Variants in NWD2 observed in about 807,000 individuals in gnomAD.
NWD2 encodes the protein NACHT and WD repeat domain-containing protein 2.
A neutral mutation model predicts 132.7 loss-of-function variants in NWD2; 37 were observed. The observed-to-expected ratio is 0.28, with a 90% CI of 0.21 to 0.37. The LOEUF (loss-of-function observed/expected upper bound fraction) is 0.37, where lower values mean the gene tolerates loss of function less well. NWD2 is among the 10% of genes least tolerant of loss of function. The pLI is 1.00. For synonymous variants in NWD2, 705 were observed against 803.0 expected (o/e 0.88, Z 2.06); for missense variants, 1,592 against 2,122.4 (o/e 0.75, Z 4.91).
chr4:37,259,950 T>C (rs911733566), intron 1 of NWD2, among the ~76,000 whole-genome samples: 18 of 152,318 alleles, frequency 1.2e-4, no homozygotes, highest in African/African-American at 4.3e-4. Context: ...GCAGGAGCAA[T>C]GAGAAATCGA....
chr4:37,441,694 C>T (rs902209902), intron 6 of NWD2, among the ~76,000 whole-genome samples: 4 of 152,178 alleles, frequency 2.6e-5, no homozygotes, highest in Non-Finnish European at 5.9e-5. Flanking sequence ...ATCCAGGAGT[C>T]GGGTCCTCCA....
intron 3 of NWD2, among the ~76,000 whole-genome samples, chr4:37,396,332 T>C (rs1213008677): frequency 6.6e-6 from 1 of 152,242 alleles, no homozygotes; most frequent in Admixed American, 6.5e-5. Context: ...GTGGCCCTGT[T>C]GGATGAAGTC....
chr4:37,376,388 A>G (rs1720350863), intron 3 of NWD2, among the ~76,000 whole-genome samples: 1 of 152,224 alleles, frequency 6.6e-6, no homozygotes, highest in South Asian at 2.1e-4. Flanking sequence ...ACTTAAAAAT[A>G]TTTTTATATA....
intron 1 of NWD2, among the ~76,000 whole-genome samples, chr4:37,288,037 ATCC>A (rs774717340): frequency 3.9e-5 from 6 of 152,178 alleles, no homozygotes; most frequent in Non-Finnish European, 7.3e-5. Context: ...GGAAACCATC[ATCC>A]TCAGCAAACT....
At chr4:37,400,381 C>G (rs1720875967) in intron 3 of NWD2, among the ~76,000 whole-genome samples, 1 of 152,170 alleles carries the variant, frequency 6.6e-6, no homozygotes, top group African/African-American at 2.4e-5. Context: ...TGTTAACCAG[C>G]CTGCAGTGAA....
Position 37,391,974 on chromosome 4 carries a change from G to A in NWD2, c.357+35492G>A, listed in dbSNP as rs1036148828. Among the ~76,000 whole-genome samples the A allele has an allele frequency of 5.3e-5, 8 of 152,310 alleles. No homozygotes were observed. In the South Asian group the frequency reaches 6.2e-4, roughly 12 times the overall value. ...ATCCCAGCACTTTGGGAGGCGGAGG[G>A]TCGATTACTTGAGATCAGGAGTTTG... is the stretch of plus-strand genomic sequence containing the variant. On this transcript the variant is annotated intron_variant, in intron 3 of 6. Transcript: ENST00000309447.
intron 3 of NWD2, among the ~76,000 whole-genome samples, chr4:37,395,741 C>T (rs1030302467): frequency 4.6e-5 from 7 of 151,660 alleles, no homozygotes; most frequent in African/African-American, 1.2e-4. Flanking sequence ...ACTATTTCTC[C>T]GTTTTTCAGG....
intron 3 of NWD2, among the ~76,000 whole-genome samples, chr4:37,400,664 C>T (rs1384521454): frequency 1.3e-5 from 2 of 152,164 alleles, no homozygotes; most frequent in African/African-American, 4.8e-5. Context: ...GAGTATTTTG[C>T]TTTTACTGTG....
At chr4:37,438,673 A>G (rs1164202160) in intron 5 of NWD2, 128 bp from the exon 6 acceptor site, 2 of 616,984 alleles carry the variant, frequency 3.2e-6, no homozygotes, top group African/African-American at 3.7e-5. Context: ...AAATTATTCT[A>G]AAGATTACTT....
intron 3 of NWD2, among the ~76,000 whole-genome samples, chr4:37,412,381 A>G (rs1460101501): frequency 7.2e-5 from 11 of 152,336 alleles, no homozygotes; most frequent in Admixed American, 3.3e-4. Context: ...CCCATTCACA[A>G]TTGCTACTAA....
At chr4:37,428,681 C>T (rs1712072524) in intron 3 of NWD2, among the ~76,000 whole-genome samples, 1 of 152,214 alleles carries the variant, frequency 6.6e-6, no homozygotes, top group Non-Finnish European at 1.5e-5. Flanking sequence ...CTGGCGTAAG[C>T]AGACACTCTC....
chr4:37,252,006 G>A (rs1388181009), intron 1 of NWD2, among the ~76,000 whole-genome samples: 3 of 152,180 alleles, frequency 2.0e-5, no homozygotes, highest in Non-Finnish European at 4.4e-5. Context: ...TATGAACGGA[G>A]CATTAAAGGA....
chr4:37,280,523 C>T (rs58045198), intron 1 of NWD2, among the ~76,000 whole-genome samples: 24,524 of 152,044 alleles, frequency 0.16, 2,546 homozygotes, highest in South Asian at 0.32. Context: ...CGTGCAGACT[C>T]CTGCTGGGAA....
intron 2 of NWD2, among the ~76,000 whole-genome samples, chr4:37,351,612 C>G (rs991576903): frequency 6.6e-6 from 1 of 150,462 alleles, no homozygotes; most frequent in Admixed American, 6.6e-5. Flanking sequence ...TTTTGTTAAT[C>G]TTTTCAAAAA....
chr4:37,318,016 C>CTTTTTTT (rs1346676424), intron 1 of NWD2, among the ~76,000 whole-genome samples: 1 of 131,904 alleles, frequency 7.6e-6, no homozygotes, highest in East Asian at 2.1e-4. Context: ...TTTCTTTTTT[C>CTTTTTTT]TTTCTTTTTT....
chr4:37,245,212 C>G lies in NWD2; in HGVS notation c.145C>G (p.Pro49Ala). 6.5e-6 allele frequency: 10 copies of G among 1,538,304 alleles called. No homozygotes were observed. Among genetic ancestry groups the G allele is most frequent in the Non-Finnish European group, 8.7e-6 (10 of 1,144,492 alleles). ...RSVRVFISANPEDTGAERQAL... is the reference protein window; with the variant it reads ...RSVRVFISANAEDTGAERQAL... ...CGTCCGGGTCTTCATCAGCGCCAAC[C>G]CTGAAGGTACGTCCCTCGCTCGGGT... Residue 49 changes from proline (P) to alanine (A), a missense_variant, in exon 1 of 7, where the codon CCT (proline) becomes GCT (alanine). By Grantham distance (27) the Pro-to-Ala change is conservative. Coordinates refer to ENST00000309447, the MANE Select transcript of NWD2 (RefSeq NM_001144990.2).
chr4:37,416,771 A>C (rs900559525), intron 3 of NWD2, among the ~76,000 whole-genome samples: 3 of 152,252 alleles, frequency 2.0e-5, no homozygotes, highest in African/African-American at 4.8e-5. Context: ...ACTCAGCTAT[A>C]AAAAGGAATG....
chr4:37,418,381 G>A (rs1408323270), intron 3 of NWD2, among the ~76,000 whole-genome samples: 1 of 152,184 alleles, frequency 6.6e-6, no homozygotes, highest in South Asian at 2.1e-4. Context: ...TATAGATTAT[G>A]TAATGATGTA....
Position 37,445,926 on chromosome 4 carries a change from A to T in NWD2, c.3938A>T (p.Asp1313Val). 6.4e-7 allele frequency: 1 copy of T among 1,551,764 alleles called. No individual in the cohort carries two copies. The highest frequency in any genetic ancestry group is 8.7e-7 in the Non-Finnish European group (1 of 1,146,982). Residue 1313 changes from aspartate (D) to valine (V), a missense_variant, in exon 7 of 7, where the codon GAT becomes GTT. Asp to Val is a radical substitution (Grantham distance 152, BLOSUM62 -3). Transcript: ENST00000309447. The surrounding 1 kb of genome is among the most constrained non-coding windows in gnomAD (Gnocchi z 4.7). ...ATAATCACAGCTATGTCCAACATAGATAAGACTGGAAAACCCATCCAAAGT... is the reference window on the plus strand; with the variant it reads ...ATAATCACAGCTATGTCCAACATAGTTAAGACTGGAAAACCCATCCAAAGT... ...IDIITAMSNI[D>V]KTGKPIQSLL...
Sources: allele counts gnomAD v4.1 joint callset (sites outside exome capture counted in the v4.1 genomes callset), GRCh38; gene constraint gnomAD v4.1.1; non-coding constraint Gnocchi (gnomAD v3.1); transcripts MANE v1.5; gene names NCBI Gene and HGNC (gene_info 2026-07-23, HGNC 2026-07-21).